FRMD4A: variants seen among roughly 807,000 people sequenced by gnomAD.
FRMD4A encodes the protein FERM domain containing 4A, also known as FERM domain-containing protein 4A.
Under a neutral mutation model 129.1 loss-of-function variants are expected in FRMD4A, and 29 were observed. That is an observed-to-expected ratio of 0.22 (90% CI 0.17 to 0.31). The LOEUF (loss-of-function observed/expected upper bound fraction) is 0.31. FRMD4A is among the 10% of genes least tolerant of loss of function. The pLI is 1.00. For missense variants in FRMD4A, 1,272 were observed against 1,375.8 expected (o/e 0.92, Z 1.19); for synonymous variants, 634 against 571.6 (o/e 1.11, Z -1.56).
intron 2 of FRMD4A, among the ~76,000 whole-genome samples, chr10:14,308,653 T>A (rs1024214002): frequency 6.6e-6 from 1 of 152,238 alleles, no homozygotes; most frequent in Non-Finnish European, 1.5e-5. Flanking sequence ...TCCAGTTTAA[T>A]GACAAGAGCA....
At chr10:13,838,515 T>C (rs11258666) in intron 3 of FRMD4A, among the ~76,000 whole-genome samples, 123,609 of 151,084 alleles carry the variant, frequency 0.82, 50,749 homozygotes, top group East Asian at 0.96. Flanking sequence ...TTTTTTGAGA[T>C]TGAGTCTCGC....
At chr10:13,959,471 TAAAAAAAAAA>T (rs56192445) in intron 2 of FRMD4A, among the ~76,000 whole-genome samples, 3 of 53,122 alleles carry the variant, frequency 5.6e-5, no homozygotes, top group African/African-American at 7.7e-5. Flanking sequence ...GACTGTTTCA[TAAAAAAAAAA>T]AAAAAAAAAA....
intron 9 of FRMD4A, among the ~76,000 whole-genome samples, chr10:13,743,574 C>T (rs577756476): frequency 6.6e-6 from 1 of 152,186 alleles, no homozygotes; most frequent in Non-Finnish European, 1.5e-5. Context: ...GTCAAAACCA[C>T]TGTCAGAAAG....
At chr10:14,064,638 C>T (rs965367788) in intron 2 of FRMD4A, among the ~76,000 whole-genome samples, 3 of 152,084 alleles carry the variant, frequency 2.0e-5, no homozygotes, top group African/African-American at 2.4e-5. Flanking sequence ...AGTACAGTGG[C>T]GCGATCTCGG....
chr10:13,796,519 G>T lies in FRMD4A; in HGVS notation c.276C>A (p.Pro92=), dbSNP rs1160843899. 2.5e-6 allele frequency: 4 copies of T among 1,583,634 alleles called. No individual in the cohort carries two copies. In the African/African-American group the frequency reaches 5.4e-5, roughly 21 times the overall value. The change falls in exon 5 of 25, where the codon CCC becomes CCA. Residue 92 remains proline (P), a synonymous_variant. Transcript: ENST00000357447. ...LEHDFPKKSG[P]VVLYFCVRFY... ...ACCTGACACAAAAGTATAAAACCAC[G>T]GGTCCTGACTTTTTAGGGAAGTCAT... is the stretch of plus-strand genomic sequence containing the variant.
intron 2 of FRMD4A, among the ~76,000 whole-genome samples, chr10:14,215,743 C>T (rs914209337): frequency 2.0e-5 from 3 of 151,972 alleles, no homozygotes; most frequent in Non-Finnish European, 2.9e-5. Context: ...GGCATATGAG[C>T]GAAGGTCTAC....
At chr10:14,038,216 G>A (rs992248783) in intron 2 of FRMD4A, among the ~76,000 whole-genome samples, 4 of 152,156 alleles carry the variant, frequency 2.6e-5, no homozygotes, top group Admixed American at 6.5e-5. Flanking sequence ...CCAGCTTCTC[G>A]GGAGGCTGAG....
At chr10:13,763,366 A>G (rs1388217960) in intron 6 of FRMD4A, among the ~76,000 whole-genome samples, 1 of 152,244 alleles carries the variant, frequency 6.6e-6, no homozygotes, top group East Asian at 1.9e-4. Context: ...AAGGAATGTT[A>G]CAGTGGGATT....
At chr10:14,008,233 A>C in intron 2 of FRMD4A, 2 of 1,120,106 alleles carry the variant, frequency 1.8e-6, no homozygotes, top group Middle Eastern at 4.1e-4. Context: ...GGAGAGAAGG[A>C]GCCTCCCTCA....
At chr10:13,764,454 T>C (rs1236034497) in intron 6 of FRMD4A, among the ~76,000 whole-genome samples, 23 of 151,984 alleles carry the variant, frequency 1.5e-4, no homozygotes. Context: ...TACAGTGAGC[T>C]GTAATCATGC....
intron 2 of FRMD4A, among the ~76,000 whole-genome samples, chr10:14,224,181 G>A (rs998643938): frequency 3.3e-5 from 5 of 152,212 alleles, no homozygotes; most frequent in Non-Finnish European, 5.9e-5. Context: ...AAAGTGTGCA[G>A]AAAGCCAGCT....
At chr10:14,215,850 A>G (rs964042839) in intron 2 of FRMD4A, among the ~76,000 whole-genome samples, 3 of 152,174 alleles carry the variant, frequency 2.0e-5, no homozygotes. Context: ...GAACTTTGTC[A>G]TGGGAGTCTC....
chr10:14,168,488 G>A lies in FRMD4A; in HGVS notation c.45+161570C>T, dbSNP rs1007968899. On this transcript the variant is annotated intron_variant, in intron 2 of 24. Coordinates refer to ENST00000357447, the MANE Select transcript of FRMD4A (RefSeq NM_018027.5). ...TTTACTCTTCAAAGGAATCTGTTTCGCTCTGACCTCTTTGAGCACACTTGA... is the reference window on the plus strand; with the variant it reads ...TTTACTCTTCAAAGGAATCTGTTTCACTCTGACCTCTTTGAGCACACTTGA... Among the ~76,000 whole-genome samples, 7 of 152,098 alleles carry A rather than the reference G, an allele frequency of 4.6e-5. No homozygotes were observed. The South Asian group carries it at 6.2e-4, about 14-fold the overall frequency.
At chr10:14,058,556 A>G (rs1269470286) in intron 2 of FRMD4A, among the ~76,000 whole-genome samples, 1 of 152,214 alleles carries the variant, frequency 6.6e-6, no homozygotes, top group African/African-American at 2.4e-5. Context: ...AAAAATGACC[A>G]CATTTCGTAA....
chr10:13,894,613 A>G (rs927847319), intron 2 of FRMD4A, among the ~76,000 whole-genome samples: 1 of 152,030 alleles, frequency 6.6e-6, no homozygotes, highest in African/African-American at 2.4e-5. Flanking sequence ...TCTTCATCAC[A>G]TATTATTCAC....
At chr10:14,039,474 C>A (rs1833689834) in intron 2 of FRMD4A, among the ~76,000 whole-genome samples, 4 of 141,772 alleles carry the variant, frequency 2.8e-5, no homozygotes, top group East Asian at 2.0e-4. Flanking sequence ...ATCTATCTAT[C>A]TATCTATCTA....
chr10:13,673,569 T>A (rs2083696174), intron 16 of FRMD4A, among the ~76,000 whole-genome samples: 1 of 150,836 alleles, frequency 6.6e-6, no homozygotes, highest in African/African-American at 2.5e-5. Context: ...AATGCACACA[T>A]GTGCATGCGT....
At chr10:14,143,811 G>A (rs373501171) in intron 2 of FRMD4A, among the ~76,000 whole-genome samples, 7 of 152,088 alleles carry the variant, frequency 4.6e-5, no homozygotes, top group African/African-American at 1.7e-4. Context: ...ATGGGGTTTC[G>A]TTGACCAGGC....
At chr10:14,145,241 C>G (rs1294547171) in intron 2 of FRMD4A, among the ~76,000 whole-genome samples, 1 of 152,206 alleles carries the variant, frequency 6.6e-6, no homozygotes, top group East Asian at 1.9e-4. Context: ...ATTCCTAACT[C>G]TGCTGCTGAT....
Sources: gnomAD v4.1 joint callset for allele counts (sites outside exome capture counted in the v4.1 genomes callset) on GRCh38, gnomAD v4.1.1 for gene constraint, MANE v1.5 for transcripts, NCBI Gene and HGNC (gene_info 2026-07-23, HGNC 2026-07-21) for gene names.